DIAPH2: variants seen among roughly 807,000 people sequenced by gnomAD.
The protein encoded by DIAPH2 is diaphanous related formin 2.
In DIAPH2, 35 loss-of-function variants were observed where a neutral mutation model predicts 92.7. The ratio of observed to expected loss-of-function variants is 0.38; its 90% CI spans 0.29 to 0.50. DIAPH2 has a LOEUF of 0.50. DIAPH2 is among the 20% of genes least tolerant of loss of function. The pLI is 0.94. For synonymous variants in DIAPH2, 301 were observed against 280.4 expected (o/e 1.07, Z -0.73); for missense variants, 701 against 819.5 (o/e 0.86, Z 1.77).
At chrX:97,277,808 A>G (rs1037570757) in intron 23 of DIAPH2, among the ~76,000 whole-genome samples, 1 of 112,132 alleles carries the variant, frequency 8.9e-6, no homozygotes. Flanking sequence ...AGAAATGACT[A>G]TAGCCGGTTG....
chrX:97,390,512 G>A (rs2069648471), intron 25 of DIAPH2, among the ~76,000 whole-genome samples: 1 of 110,078 alleles, frequency 9.1e-6, no homozygotes, highest in African/African-American at 3.3e-5. Flanking sequence ...TACTGTGCCT[G>A]GCCTATTTTC....
intron 26 of DIAPH2, among the ~76,000 whole-genome samples, chrX:97,486,548 T>C (rs770352229): frequency 8.9e-6 from 1 of 111,959 alleles, no homozygotes; most frequent in East Asian, 2.8e-4. Context: ...CCTGGTGTGC[T>C]ACCTGTGGCC....
intron 1 of DIAPH2, among the ~76,000 whole-genome samples, chrX:96,728,043 CA>C (rs1225289870): frequency 3.7e-4 from 10 of 27,132 alleles, no homozygotes; most frequent in East Asian, 1.1e-3. Flanking sequence ...GACTCCGTCT[CA>C]AAAAAAAAAA....
At chrX:96,908,662 G>A (rs1039056797) in intron 5 of DIAPH2, among the ~76,000 whole-genome samples, 3 of 110,155 alleles carry the variant, frequency 2.7e-5, no homozygotes, top group Admixed American at 1.9e-4. Context: ...GCAGTGGCGC[G>A]ATTTCAGCTC....
chrX:97,356,471 C>CT (rs963034284), intron 24 of DIAPH2, among the ~76,000 whole-genome samples: 14 of 111,811 alleles, frequency 1.3e-4, no homozygotes, highest in African/African-American at 4.5e-4. Flanking sequence ...TGTTGCAACT[C>CT]TTTGAAAATA....
At chrX:97,480,322 G>C (rs1330176006) in intron 26 of DIAPH2, among the ~76,000 whole-genome samples, 1 of 111,788 alleles carries the variant, frequency 8.9e-6, no homozygotes, top group Non-Finnish European at 1.9e-5. Flanking sequence ...CTAGGAGAGA[G>C]AAGTGCAACA....
chrX:97,053,948 A>T (rs1241619436), intron 17 of DIAPH2, among the ~76,000 whole-genome samples: 7 of 111,979 alleles, frequency 6.3e-5, no homozygotes, highest in Non-Finnish European at 1.1e-4. Flanking sequence ...TGCTTATCAT[A>T]TAGAGTGACT....
intron 23 of DIAPH2, among the ~76,000 whole-genome samples, chrX:97,298,340 G>A (rs1416203809): frequency 9.7e-6 from 1 of 103,083 alleles, no homozygotes; most frequent in Admixed American, 1.1e-4. Flanking sequence ...GGTGAAGGAA[G>A]TGTTGTAGTT....
At chrX:97,420,873 A>T (rs1274710599) in intron 25 of DIAPH2, among the ~76,000 whole-genome samples, 6 of 111,891 alleles carry the variant, frequency 5.4e-5, no homozygotes, top group Non-Finnish European at 1.1e-4. Flanking sequence ...TTTCCATAGA[A>T]CTTTATACTT....
intron 1 of DIAPH2, among the ~76,000 whole-genome samples, chrX:96,709,542 A>G (rs913602069): frequency 1.3e-4 from 14 of 111,921 alleles, no homozygotes; most frequent in African/African-American, 4.2e-4. Flanking sequence ...GCATTAAGGG[A>G]TGGTTTATGA....
chrX:97,386,582 C>T (rs753259160), intron 25 of DIAPH2, among the ~76,000 whole-genome samples: 2 of 109,723 alleles, frequency 1.8e-5, no homozygotes, highest in Non-Finnish European at 3.8e-5. Context: ...GCAGAAGAAT[C>T]GCTTGAACCC....
intron 25 of DIAPH2, among the ~76,000 whole-genome samples, chrX:97,394,933 C>T (rs1263659562): frequency 2.7e-5 from 3 of 111,258 alleles, no homozygotes; most frequent in African/African-American, 9.8e-5. Flanking sequence ...ACATCATGGC[C>T]CTGCTCCCTA....
intron 4 of DIAPH2, among the ~76,000 whole-genome samples, chrX:96,823,595 T>A: frequency 9.0e-6 from 1 of 111,289 alleles, no homozygotes. Context: ...GCATTAACTC[T>A]GTTTTCCAAA....
Position 97,384,029 on chromosome X carries a change from A to G in DIAPH2, c.3130A>G (p.Ile1044Val). The part of the protein sequence containing the change: ...LERQKKKKQL[I>V]DINKEGDETG... ...ACGCCAGAAGAAAAAGAAACAACTC[A>G]TTGATATAAACAAAGGTATGAAAAT... Residue 1044 changes from isoleucine to valine, a missense_variant, in exon 25 of 27, where the codon ATT becomes GTT. This residue lies in a region of DIAPH2 where 536 missense variants were observed against 599.3 expected (regional missense o/e 0.89). Coordinates refer to ENST00000324765, the MANE Select transcript of DIAPH2 (RefSeq NM_006729.5). The G allele has an allele frequency of 8.4e-7, 1 of 1,190,353 alleles. No homozygotes were observed. The highest frequency in any genetic ancestry group is 1.1e-6 in the Non-Finnish European group (1 of 883,563).
intron 26 of DIAPH2, among the ~76,000 whole-genome samples, chrX:97,535,288 A>C (rs976246934): frequency 3.6e-5 from 4 of 112,083 alleles, no homozygotes; most frequent in African/African-American, 1.3e-4. Flanking sequence ...GCACTCTTAT[A>C]CTATCTCTGC....
chrX:97,374,252 A>C (rs1000521019), intron 24 of DIAPH2, among the ~76,000 whole-genome samples: 16 of 111,195 alleles, frequency 1.4e-4, no homozygotes, highest in African/African-American at 4.9e-4. Context: ...GGAATCAAAG[A>C]GGGAAGAAAA....
intron 20 of DIAPH2, among the ~76,000 whole-genome samples, chrX:97,101,767 G>A (rs982918801): frequency 4.5e-5 from 5 of 112,185 alleles, no homozygotes; most frequent in Non-Finnish European, 7.5e-5. Context: ...GCCTAAGTCC[G>A]AGCCTGAAAT....
In DIAPH2 at chrX:96,757,064, C is replaced by T. The variant is rs187348728; in HGVS notation, c.343-1090C>T. ...TCCTGAGAAGCTGGGACTACAGGCACCCGCCACCACGCCTGGCTAATTTTT... is the reference window on the plus strand; with the variant it reads ...TCCTGAGAAGCTGGGACTACAGGCATCCGCCACCACGCCTGGCTAATTTTT... On this transcript the variant is annotated intron_variant, in intron 3 of 26. Coordinates refer to ENST00000324765, the MANE Select transcript of DIAPH2 (RefSeq NM_006729.5). 7.7e-3 allele frequency among the ~76,000 whole-genome samples: 825 copies of T among 107,673 alleles called. 8 individuals are homozygous for T. The highest frequency in any genetic ancestry group is 0.026 in the African/African-American group (775 of 29,518). 93.5% of individuals were successfully genotyped at this position (107,673 alleles called of 115,157 possible).
intron 23 of DIAPH2, among the ~76,000 whole-genome samples, chrX:97,321,541 G>GT (rs2068894538): frequency 2.5e-5 from 2 of 79,429 alleles, no homozygotes; most frequent in African/African-American, 4.6e-5. Flanking sequence ...TTGTTGTGTT[G>GT]TTATTTTTTT....
Sources: gnomAD v4.1 joint callset for allele counts (sites outside exome capture counted in the v4.1 genomes callset) on GRCh38, gnomAD v4.1.1 for gene constraint, gnomAD v4.1.1 regional missense constraint, MANE v1.5 for transcripts, NCBI Gene and HGNC (gene_info 2026-07-23, HGNC 2026-07-21) for gene names.